The following RUVBL1 variants were observed in gnomAD, a reference collection of about 807,000 sequenced individuals.
RUVBL1 encodes ruvB-like 1.
In RUVBL1, 4 loss-of-function variants were observed where a neutral mutation model predicts 52.4. The ratio of observed to expected loss-of-function variants is 0.08; its 90% CI spans 0.04 to 0.17. The LOEUF is 0.17. RUVBL1 is among the 10% of genes least tolerant of loss of function. The pLI is 1.00. For synonymous variants in RUVBL1, 217 were observed against 214.4 expected (o/e 1.01, Z -0.10); for missense variants, 298 against 572.8 (o/e 0.52, Z 4.90).
chr3:128,146,060 T>C (rs1002426965), intron 1 of RUVBL1, among the ~76,000 whole-genome samples: 5 of 150,350 alleles, frequency 3.3e-5, no homozygotes, highest in Non-Finnish European at 7.4e-5. Context: ...GGATCAGGAG[T>C]AGGGAGGGGG....
chr3:128,134,378 C>T (rs1943921503), intron 1 of RUVBL1, among the ~76,000 whole-genome samples: 1 of 150,958 alleles, frequency 6.6e-6, no homozygotes, highest in South Asian at 2.1e-4. Context: ...AGGAGAATCA[C>T]CTGAACCTGG....
chr3:128,145,892 C>T (rs1201059924), intron 1 of RUVBL1, among the ~76,000 whole-genome samples: 6 of 152,166 alleles, frequency 3.9e-5, no homozygotes, highest in Admixed American at 1.3e-4. Flanking sequence ...CCAACCTGTT[C>T]CCCTCCCTGG....
At chr3:128,153,251 G>C (rs956553372) in exon 1 of RUVBL1, 22 of 1,341,376 alleles carry the variant, frequency 1.6e-5, no homozygotes, top group Non-Finnish European at 2.1e-5. Flanking sequence ...CTCCATCTCG[G>C]GCTCCTAGAG....
intron 9 of RUVBL1, among the ~76,000 whole-genome samples, chr3:128,086,601 G>A (rs1209574828): frequency 6.6e-6 from 1 of 152,240 alleles, no homozygotes; most frequent in Non-Finnish European, 1.5e-5. Flanking sequence ...CACCAATTCA[G>A]GGTATGTACC....
At chr3:128,080,327 T>C (rs1942434839), downstream of RUVBL1, among the ~76,000 whole-genome samples, 3 of 152,224 alleles carry the variant, frequency 2.0e-5, no homozygotes, top group African/African-American at 7.2e-5. Context: ...TTTTGGTAAA[T>C]ACTCAGTTCT....
chr3:128,069,674 G>C (rs367612187), intron 9 of RUVBL1: 1 of 1,613,170 alleles, frequency 6.2e-7, no homozygotes, highest in Non-Finnish European at 8.5e-7. Flanking sequence ...CCCGTCTCCC[G>C]GACAGGTTGA....
intron 3 of RUVBL1, among the ~76,000 whole-genome samples, chr3:128,110,419 C>T (rs1239368773): frequency 6.6e-6 from 1 of 151,968 alleles, no homozygotes; most frequent in Admixed American, 6.6e-5. Flanking sequence ...ATCACTTGAG[C>T]CCAGGAGTTA....
chr3:128,114,490 C>T (rs547945980), intron 2 of RUVBL1, among the ~76,000 whole-genome samples: 20 of 152,270 alleles, frequency 1.3e-4, no homozygotes, highest in African/African-American at 4.8e-4. Context: ...TGCCCGATTT[C>T]CTCATCTGTC....
At chr3:128,100,454 G>C (rs542773267) in intron 6 of RUVBL1, 141 bp downstream of exon 6, 1 of 914,398 alleles carries the variant, frequency 1.1e-6, no homozygotes, top group South Asian at 1.9e-5. Flanking sequence ...AGCTCATGTC[G>C]ATGTTAATTG....
intron 3 of RUVBL1, among the ~76,000 whole-genome samples, chr3:128,111,050 C>T (rs1424585827): frequency 6.6e-6 from 1 of 151,694 alleles, no homozygotes; most frequent in Non-Finnish European, 1.5e-5. Context: ...CATGGTGAAA[C>T]CCCATCTCTA....
At chr3:128,123,993 G>A (rs943959475), upstream of RUVBL1, 3 of 846,362 alleles carry the variant, frequency 3.5e-6, no homozygotes, top group African/African-American at 1.8e-5. Context: ...CGAGGCTGGG[G>A]TCGGGAGCAC....
At chr3:128,106,783 T>A (rs953243738) in intron 3 of RUVBL1, among the ~76,000 whole-genome samples, 3 of 152,218 alleles carry the variant, frequency 2.0e-5, no homozygotes, top group Non-Finnish European at 4.4e-5. Context: ...CCATGTAATG[T>A]TATAGCCTGT....
intron 1 of RUVBL1, among the ~76,000 whole-genome samples, chr3:128,130,871 C>T (rs1402245878): frequency 1.3e-5 from 2 of 151,966 alleles, no homozygotes; most frequent in East Asian, 1.9e-4. Flanking sequence ...AGGATGGTCT[C>T]GATCTCCTGA....
intron 9 of RUVBL1, chr3:128,069,739 C>A: frequency 1.7e-6 from 2 of 1,210,654 alleles, no homozygotes; most frequent in Non-Finnish European, 2.4e-6. Context: ...GCGCGTGCTG[C>A]TGCGGCATAT....
At chr3:128,124,069 C>T (rs779352408), upstream of RUVBL1, among the ~76,000 whole-genome samples, 35 of 152,318 alleles carry the variant, frequency 2.3e-4, no homozygotes, top group Admixed American at 9.1e-4. Context: ...CCCCCGGGTA[C>T]CACTCCTAAT....
At chr3:128,072,988 A>T (rs1942212245) in intron 9 of RUVBL1, among the ~76,000 whole-genome samples, 1 of 152,012 alleles carries the variant, frequency 6.6e-6, no homozygotes, top group African/African-American at 2.4e-5. Flanking sequence ...ATGTGCTCTC[A>T]CTTCACCCCA....
intron 9 of RUVBL1, among the ~76,000 whole-genome samples, chr3:128,072,917 G>T (rs901202022): frequency 2.0e-5 from 3 of 152,142 alleles, no homozygotes; most frequent in African/African-American, 7.2e-5. Context: ...CACAGTGATG[G>T]GGGGGTAAGG....
At chr3:128,137,727 G>A (rs564249659) in intron 1 of RUVBL1, among the ~76,000 whole-genome samples, 2 of 152,020 alleles carry the variant, frequency 1.3e-5, no homozygotes, top group Non-Finnish European at 2.9e-5. Flanking sequence ...AGGCAAAGAC[G>A]TATCAAAAGA....
chr3:128,074,842 CAAA>C lies in RUVBL1; in HGVS notation c.940-9625_940-9623del, dbSNP rs386397876. Among the ~76,000 whole-genome samples, 243 of 72,798 alleles carry C rather than the reference CAAA, an allele frequency of 3.3e-3. 1 individual carries two copies. The Middle Eastern group carries it at 0.069, about 21-fold the overall frequency. 47.8% of individuals were successfully genotyped at this position (72,798 alleles called of 152,430 possible). ...GGGCAACAGGAGCGAAACTCCGTCT[CAAA>C]AAAAAAAAAAAAAAAAAAAACTTAA... On this transcript the variant is annotated intron_variant, in intron 9 of 9. Coordinates refer to the RUVBL1 transcript ENST00000464873.
Sources: gnomAD v4.1 joint callset for allele counts (sites outside exome capture counted in the v4.1 genomes callset) on GRCh38, gnomAD v4.1.1 for gene constraint, MANE v1.5 for transcripts, NCBI Gene and HGNC (gene_info 2026-07-23, HGNC 2026-07-21) for gene names.